AGAP5: variants seen among roughly 807,000 people sequenced by gnomAD.
AGAP5 encodes the protein arf-GAP with GTPase, ANK repeat and PH domain-containing protein 5.
AGAP5 carries 8 observed loss-of-function variants against 27.7 expected under a neutral mutation model. The observed-to-expected ratio is 0.29, with a 90% CI of 0.17 to 0.52. The LOEUF is 0.52. Among genes scored for constraint, AGAP5 ranks in the 20% least tolerant of loss-of-function variants. The probability of loss-of-function intolerance (pLI) is 0.97; values close to 1 mark genes in which losing one functional copy is unlikely to be tolerated. For missense variants in AGAP5, 285 were observed against 880.8 expected, an observed-to-expected ratio of 0.32 and a Z score of 8.56; for synonymous variants, 111 against 338.0, an observed-to-expected ratio of 0.33 and a Z score of 7.37.
chr10:73,674,534 G>A lies in AGAP5; in HGVS notation c.*65C>T. 6.3e-7 allele frequency: 1 copy of A among 1,575,608 alleles called. No homozygotes were observed. On this transcript the variant is annotated 3_prime_UTR_variant, in exon 8 of 8. Coordinates refer to ENST00000374094, the MANE Select transcript of AGAP5 (RefSeq NM_001144000.4). ...ATTTGTGATTTCCTTTTGAAATTCTGAGTTATCCTTATTTTTCCCATTTTG... is the reference window on the plus strand; with the variant it reads ...ATTTGTGATTTCCTTTTGAAATTCTAAGTTATCCTTATTTTTCCCATTTTG...
chr10:73,695,237 A>T lies in AGAP5; in HGVS notation c.293-433T>A, dbSNP rs527735390. On this transcript the variant is annotated intron_variant, in intron 2 of 7. Coordinates refer to ENST00000374094, the MANE Select transcript of AGAP5 (RefSeq NM_001144000.4). ...AGTTTTTAAAATTTTTAAAAAGTAAATTCATCATATCTGTCACTTCCATTT... is the reference window on the plus strand; with the variant it reads ...AGTTTTTAAAATTTTTAAAAAGTAATTTCATCATATCTGTCACTTCCATTT... Among the ~76,000 whole-genome samples the T allele has an allele frequency of 4.3e-3, 654 of 152,268 alleles. 4 individuals are homozygous for T. The highest frequency in any genetic ancestry group is 0.015 in the African/African-American group (627 of 41,538).
intron 4 of AGAP5, among the ~76,000 whole-genome samples, chr10:73,688,936 T>C (rs2082087262): frequency 6.6e-6 from 1 of 151,964 alleles, no homozygotes; most frequent in African/African-American, 2.4e-5. Flanking sequence ...CCTCTGCCTC[T>C]GCCTCCTCTG....
intron 4 of AGAP5, among the ~76,000 whole-genome samples, chr10:73,690,788 C>T (rs2082111169): frequency 6.6e-6 from 1 of 152,074 alleles, no homozygotes; most frequent in Admixed American, 6.5e-5. Context: ...ATCTAGGACA[C>T]AGGCGATCCC....
intron 7 of AGAP5, among the ~76,000 whole-genome samples, chr10:73,676,460 T>C (rs1166520161): frequency 6.9e-6 from 1 of 143,976 alleles, no homozygotes; most frequent in Non-Finnish European, 1.5e-5. Context: ...CACTCCAGCC[T>C]GGGCTACAGA....
chr10:73,692,634 T>A (rs2082128797), intron 3 of AGAP5, among the ~76,000 whole-genome samples: 1 of 21,382 alleles, frequency 4.7e-5, no homozygotes, highest in Admixed American at 3.4e-4. Context: ...CTATCTTAAA[T>A]TTTTTTTTTT....
rs568635195 is a variant in AGAP5 at position 73,686,910 on chromosome 10, G to A, written c.397-4116C>T. Among the ~76,000 whole-genome samples the A allele has an allele frequency of 7.2e-5, 11 of 152,258 alleles. No individual in the cohort carries two copies. In the South Asian group the frequency reaches 1.9e-3, roughly 26 times the overall value. On this transcript the variant is annotated intron_variant, in intron 4 of 7. Coordinates refer to ENST00000374094, the MANE Select transcript of AGAP5 (RefSeq NM_001144000.4). The stretch of plus-strand genomic sequence containing the variant: ...CCAAATATCATGTTCTCTTTCAGAT[G>A]TGGGAGCTAAGCTATGAGGATGCAA...
intron 7 of AGAP5, among the ~76,000 whole-genome samples, chr10:73,676,433 C>G (rs2081980609): frequency 7.0e-6 from 1 of 142,332 alleles, no homozygotes; most frequent in Non-Finnish European, 1.6e-5. Flanking sequence ...CTGCAGTGAG[C>G]CAAGATCGCG....
In AGAP5 at chr10:73,675,545, C is replaced by G. The variant is rs2081971072; in HGVS notation, c.1115G>C (p.Gly372Ala). The G allele has an allele frequency of 6.2e-7, 1 of 1,614,012 alleles. No homozygotes were observed. Among genetic ancestry groups the G allele is most frequent in the Non-Finnish European group, 8.5e-7 (1 of 1,180,004 alleles). ...ACTGGGGCTGAAGCATATGGAGTCA[C>G]CCAGCCCGGTGTCCATGTCCTTGGA... is the stretch of plus-strand genomic sequence containing the variant. ...GLSKDMDTGLGDSICFSPSIS... is the reference protein window; with the variant it reads ...GLSKDMDTGLADSICFSPSIS... The change falls in exon 8 of 8, where the codon GGT becomes GCT. Residue 372 changes from glycine (G) to alanine (A), a missense_variant. Physicochemically the swap from Gly to Ala is moderately conservative, Grantham distance 60. Coordinates refer to ENST00000374094, the MANE Select transcript of AGAP5 (RefSeq NM_001144000.4).
At chr10:73,695,861 C>A (rs1468202706) in intron 2 of AGAP5, among the ~76,000 whole-genome samples, 2 of 152,054 alleles carry the variant, frequency 1.3e-5, no homozygotes, top group African/African-American at 4.8e-5. Context: ...AGTTTTTATT[C>A]AAGAACCATA....
At chr10:73,690,068 G>A (rs1188447665) in intron 4 of AGAP5, among the ~76,000 whole-genome samples, 4 of 152,188 alleles carry the variant, frequency 2.6e-5, no homozygotes, top group African/African-American at 7.2e-5. Context: ...TGGGAAGTGA[G>A]GAGCCCCTCT....
rs879084699 is a variant in AGAP5 at position 73,697,898 on chromosome 10, G to A, written c.-143C>T. ...CCTGCCCACCTCACAGCGCGGCCCC[G>A]GGCACCATCCCTGGCCCCGGCCCCG... On this transcript the variant is annotated 5_prime_UTR_variant, in exon 1 of 8. Transcript: ENST00000374094. The A allele has an allele frequency of 1.4e-5, 21 of 1,535,934 alleles. No individual in the cohort carries two copies. The highest frequency in any genetic ancestry group is 4.9e-5 in the East Asian group (2 of 41,072).
intron 5 of AGAP5, among the ~76,000 whole-genome samples, chr10:73,680,566 C>T (rs1367869265): frequency 4.6e-5 from 4 of 87,622 alleles, no homozygotes; most frequent in South Asian, 3.5e-4. Flanking sequence ...TACAAGTTTG[C>T]GCCACTATGC....
chr10:73,692,366 C>A (rs1411353003), intron 3 of AGAP5, among the ~76,000 whole-genome samples: 1 of 152,010 alleles, frequency 6.6e-6, no homozygotes, highest in Non-Finnish European at 1.5e-5. Flanking sequence ...AAAAATTTAG[C>A]TAATAAAAAG....
At chr10:73,677,468 C>A (rs2081989847) in intron 6 of AGAP5, among the ~76,000 whole-genome samples, 1 of 103,788 alleles carries the variant, frequency 9.6e-6, no homozygotes, top group African/African-American at 3.7e-5. Context: ...TCATGGCAAC[C>A]TTCGCCTCCC....
chr10:73,693,318 G>A (rs1197098133), intron 3 of AGAP5, among the ~76,000 whole-genome samples: 1 of 152,234 alleles, frequency 6.6e-6, no homozygotes, highest in Non-Finnish European at 1.5e-5. Context: ...AGTGGGAGGT[G>A]TTTGGGTAAT....
intron 4 of AGAP5, among the ~76,000 whole-genome samples, chr10:73,690,759 G>A (rs377759022): frequency 3.9e-5 from 6 of 152,228 alleles, no homozygotes; most frequent in African/African-American, 1.2e-4. Context: ...GACCATAACA[G>A]GACAGAAGGA....
intron 3 of AGAP5, among the ~76,000 whole-genome samples, chr10:73,693,698 CAAA>C (rs200725473): frequency 3.9e-5 from 4 of 103,394 alleles, no homozygotes; most frequent in Admixed American, 1.0e-4. Context: ...GACTCCATTT[CAAA>C]AAAAAAAAAA....
chr10:73,680,592 T>TG (rs3998907), intron 5 of AGAP5, among the ~76,000 whole-genome samples: 737 of 22,846 alleles, frequency 0.032, 9 homozygotes, highest in African/African-American at 0.077. Context: ...TAATTTTTTT[T>TG]GGGGGGGGTG....
In AGAP5 at chr10:73,675,080, T is replaced by C; in HGVS notation, c.1580A>G (p.Glu527Gly). Reference protein sequence around the residue: ...RSLELDDWPVELRKVMSSIGN... With the variant: ...RSLELDDWPVGLRKVMSSIGN... ...AATAGATGACATAACCTTCCTGAGC[T>C]CAACTGGCCAGTCATCCAGCTCCAG... is the stretch of plus-strand genomic sequence containing the variant. Residue 527 changes from glutamate (E) to glycine (G), a missense_variant, in exon 8 of 8, where the codon GAG (glutamate) becomes GGG (glycine). By Grantham distance (98) the Glu-to-Gly change is moderately conservative (BLOSUM62 -2). Transcript: ENST00000374094. 6.2e-7 allele frequency: 1 copy of C among 1,611,768 alleles called. No individual in the cohort carries two copies. The highest frequency in any genetic ancestry group is 8.5e-7 in the Non-Finnish European group (1 of 1,179,406).
Sources: gnomAD v4.1 joint callset for allele counts (sites outside exome capture counted in the v4.1 genomes callset) on GRCh38, gnomAD v4.1.1 for gene constraint, MANE v1.5 for transcripts, NCBI Gene and HGNC (gene_info 2026-07-23, HGNC 2026-07-21) for gene names.